The following PDE8B variants were observed in gnomAD, a reference collection of about 807,000 sequenced individuals.
PDE8B encodes the protein phosphodiesterase 8B, also known as high affinity cAMP-specific and IBMX-insensitive 3',5'-cyclic phosphodiesterase 8B.
Under a neutral mutation model 101.3 loss-of-function variants are expected in PDE8B, and 26 were observed. The observed-to-expected ratio is 0.26, with a 90% CI of 0.19 to 0.36. The LOEUF (loss-of-function observed/expected upper bound fraction) is 0.36. PDE8B is among the 10% of genes least tolerant of loss of function. PDE8B has a pLI of 1.00. For missense variants in PDE8B, 810 were observed against 1,163.1 expected, an observed-to-expected ratio of 0.70 and a Z score of 4.42; for synonymous variants, 424 against 429.3, an observed-to-expected ratio of 0.99 and a Z score of 0.15.
At chr5:77,425,421 C>A (rs1444192622) in intron 20 of PDE8B, among the ~76,000 whole-genome samples, 1 of 152,126 alleles carries the variant, frequency 6.6e-6, no homozygotes, top group Admixed American at 6.5e-5. Context: ...GACGTGGTGA[C>A]AGGTGCCTGT....
At position 77,285,718 on chromosome 5, in the gene PDE8B, C is replaced by T. The variant is rs537015446; in HGVS notation, c.340-26276C>T. Among the ~76,000 whole-genome samples, 17 of 152,200 alleles carry T rather than the reference C, an allele frequency of 1.1e-4. No homozygotes were observed. In the South Asian group the frequency reaches 3.3e-3, roughly 30 times the overall value. ...TCTCACTTTTCTCCACCTGGGACTT[C>T]AATTACTAATGTTAGGCATTTTGAT... On this transcript the variant is annotated intron_variant, in intron 1 of 21. Coordinates refer to ENST00000264917, the MANE Select transcript of PDE8B (RefSeq NM_003719.5).
Position 77,244,933 on chromosome 5 carries a change from C to T in PDE8B, c.339+33669C>T, listed in dbSNP as rs181777409. 3.3e-5 allele frequency among the ~76,000 whole-genome samples: 5 copies of T among 152,246 alleles called. No homozygotes were observed. The East Asian group carries it at 7.7e-4, about 24-fold the overall frequency. The stretch of plus-strand genomic sequence containing the variant: ...GGGCAGGGGGTGCTGAGAATCTCAG[C>T]ATAGGAGAGGCAAGACCCTAGCTGA... On this transcript the variant is annotated intron_variant, in intron 1 of 21. Coordinates refer to ENST00000264917, the MANE Select transcript of PDE8B (RefSeq NM_003719.5).
intron 2 of PDE8B, among the ~76,000 whole-genome samples, chr5:77,313,814 C>A (rs1375539781): frequency 1.3e-5 from 2 of 152,160 alleles, no homozygotes; most frequent in Admixed American, 1.3e-4. Flanking sequence ...TCTTTCCTCT[C>A]TGAAAGCAAC....
At chr5:77,169,023 T>C in the PDE8B span, among the ~76,000 whole-genome samples, 148 of 152,310 alleles carry the variant, frequency 9.7e-4, no homozygotes, top group African/African-American at 3.4e-3. Context: ...CAACAGAGTC[T>C]GGGGATTCAA....
the PDE8B span, among the ~76,000 whole-genome samples, chr5:77,119,883 A>G: frequency 4.6e-5 from 7 of 152,080 alleles, no homozygotes; most frequent in East Asian, 5.8e-4. Flanking sequence ...GGTGGCACAC[A>G]TCTGTAGTCC....
intron 11 of PDE8B, among the ~76,000 whole-genome samples, chr5:77,401,707 C>CA (rs1037087472): frequency 1.3e-5 from 2 of 151,892 alleles, no homozygotes; most frequent in Non-Finnish European, 2.9e-5. Context: ...CTTTTTGCCA[C>CA]AGAGTACAGC....
chr5:77,167,430 C>A, the PDE8B span, among the ~76,000 whole-genome samples: 1 of 152,180 alleles, frequency 6.6e-6, no homozygotes, highest in Non-Finnish European at 1.5e-5. Flanking sequence ...GTTTGCATTA[C>A]AAAATTATTT....
chr5:77,205,548 T>C (rs775584712), upstream of PDE8B, among the ~76,000 whole-genome samples: 1 of 152,186 alleles, frequency 6.6e-6, no homozygotes, highest in African/African-American at 2.4e-5. Flanking sequence ...AAATTTATTT[T>C]CCATCTTTTA....
rs371906795 is a variant in PDE8B, at chr5:77,259,031, A to AAC, written c.339+47783_339+47784dup. Among the ~76,000 whole-genome samples, 55 of 134,306 alleles carry AAC rather than the reference A, an allele frequency of 4.1e-4. 1 individual carries two copies. The Middle Eastern group carries it at 0.015, about 36-fold the overall frequency. The allele number at this position is 134,306 out of a possible 152,430, so 88.1% of individuals were successfully genotyped here. On this transcript the variant is annotated intron_variant, in intron 1 of 21. Coordinates refer to ENST00000264917, the MANE Select transcript of PDE8B (RefSeq NM_003719.5). ...GGTTATTTTTCTGTTCCCTGCCTCC[A>AAC]ACACACACACACACACAGACACACA...
At chr5:77,279,557 A>G (rs1207262848) in intron 1 of PDE8B, among the ~76,000 whole-genome samples, 1 of 152,174 alleles carries the variant, frequency 6.6e-6, no homozygotes, top group South Asian at 2.1e-4. Flanking sequence ...TGAGGACTTC[A>G]GGTTATATGC....
chr5:77,400,338 G>T (rs1410237907), intron 11 of PDE8B, 48 bp downstream of exon 11: 1 of 1,155,352 alleles, frequency 8.7e-7, no homozygotes, highest in Non-Finnish European at 1.3e-6. Flanking sequence ...GGCAGCTGTG[G>T]GTTCAAATGT....
intron 10 of PDE8B, among the ~76,000 whole-genome samples, chr5:77,381,167 G>A (rs1787374387): frequency 6.6e-6 from 1 of 152,214 alleles, no homozygotes; most frequent in Admixed American, 6.5e-5. Flanking sequence ...CCAACGGGAT[G>A]TGGGAGTTTT....
the PDE8B span, among the ~76,000 whole-genome samples, chr5:77,168,730 T>C: frequency 6.6e-6 from 1 of 152,162 alleles, no homozygotes; most frequent in Non-Finnish European, 1.5e-5. Flanking sequence ...CTCAGCTCCA[T>C]CAACAGCCTC....
At chr5:77,365,803 C>T (rs369559166) in intron 10 of PDE8B, among the ~76,000 whole-genome samples, 21 of 152,306 alleles carry the variant, frequency 1.4e-4, no homozygotes, top group African/African-American at 5.1e-4. Flanking sequence ...GTGGCTCTGC[C>T]TGTCTTGTCA....
intron 19 of PDE8B, among the ~76,000 whole-genome samples, chr5:77,421,440 C>T (rs143281032): frequency 2.6e-4 from 39 of 152,220 alleles, no homozygotes; most frequent in African/African-American, 9.1e-4. Flanking sequence ...TGCTTTTACA[C>T]ATTTTTTTAA....
chr5:77,298,965 T>C (rs752853425), intron 1 of PDE8B, among the ~76,000 whole-genome samples: 1 of 152,226 alleles, frequency 6.6e-6, no homozygotes, highest in East Asian at 1.9e-4. Context: ...TCAACTAAGA[T>C]AAAAATATTT....
the PDE8B span, among the ~76,000 whole-genome samples, chr5:77,098,265 T>C: frequency 1.3e-5 from 2 of 150,884 alleles, no homozygotes; most frequent in African/African-American, 2.4e-5. Flanking sequence ...TTTAGGCTTT[T>C]TCAGACCCAC....
intron 10 of PDE8B, among the ~76,000 whole-genome samples, chr5:77,385,799 T>TG (rs1332160780): frequency 1.4e-5 from 2 of 147,168 alleles, no homozygotes; most frequent in Non-Finnish European, 3.0e-5. Flanking sequence ...AGTGAGGTTT[T>TG]TTTTTTTTTT....
rs148393675 is a variant in PDE8B, at chr5:77,284,574, C to T, written c.340-27420C>T. Among the ~76,000 whole-genome samples, 858 of 152,296 alleles carry T rather than the reference C, an allele frequency of 5.6e-3. 3 individuals carry two copies. The highest frequency in any genetic ancestry group is 0.01 in the Middle Eastern group (3 of 294). ...TGAATTATCACAAAGTGAACACATT[C>T]ATAACTATCACACAGGTTAAGCAAT... On this transcript the variant is annotated intron_variant, in intron 1 of 21. Transcript: ENST00000264917.
Sources: gnomAD v4.1 joint callset for allele counts (sites outside exome capture counted in the v4.1 genomes callset) on GRCh38, gnomAD v4.1.1 for gene constraint, MANE v1.5 for transcripts, NCBI Gene and HGNC (gene_info 2026-07-23, HGNC 2026-07-21) for gene names.